The following HIVEP3 variants were observed in gnomAD, a reference collection of about 807,000 sequenced individuals.
HIVEP3 encodes the protein HIVEP zinc finger 3.
Under a neutral mutation model 152.8 loss-of-function variants are expected in HIVEP3, and 49 were observed. The ratio of observed to expected loss-of-function variants is 0.32; its 90% CI spans 0.26 to 0.41. The LOEUF (loss-of-function observed/expected upper bound fraction) is 0.41. HIVEP3 is among the 10% of genes least tolerant of loss of function. HIVEP3 has a pLI of 1.00. For synonymous variants in HIVEP3, 1,269 were observed against 1,289.0 expected (o/e 0.98, Z 0.33); for missense variants, 2,790 against 3,103.3 (o/e 0.90, Z 2.40).
At chr1:41,944,385 G>C (rs1026940518) in intron 1 of HIVEP3, among the ~76,000 whole-genome samples, 1 of 152,190 alleles carries the variant, frequency 6.6e-6, no homozygotes, top group Non-Finnish European at 1.5e-5. Context: ...TTTTAACCAA[G>C]GCTATCCTCT....
At chr1:41,823,550 C>T (rs190812391) in intron 1 of HIVEP3, among the ~76,000 whole-genome samples, 12 of 152,322 alleles carry the variant, frequency 7.9e-5, no homozygotes, top group Admixed American at 5.9e-4. Context: ...GGAAAGAAGG[C>T]GGAGTCCCTG....
At chr1:41,721,351 G>A (rs1489554994) in intron 1 of HIVEP3, among the ~76,000 whole-genome samples, 3 of 152,142 alleles carry the variant, frequency 2.0e-5, no homozygotes, top group South Asian at 4.2e-4. Flanking sequence ...GATTACAGGC[G>A]CATGCCACCG....
intron 1 of HIVEP3, among the ~76,000 whole-genome samples, chr1:41,715,797 G>T (rs191110082): frequency 8.5e-5 from 13 of 152,176 alleles, no homozygotes; most frequent in Non-Finnish European, 1.6e-4. Context: ...CAAACACCAG[G>T]CTTCATGCCT....
intron 3 of HIVEP3, among the ~76,000 whole-genome samples, chr1:41,608,164 G>A (rs1378396498): frequency 6.6e-6 from 1 of 152,210 alleles, no homozygotes; most frequent in Non-Finnish European, 1.5e-5. Flanking sequence ...GACCAGTTCA[G>A]TCTTGAATGT....
At chr1:41,631,037 C>T (rs2149150958) in intron 2 of HIVEP3, among the ~76,000 whole-genome samples, 1 of 152,332 alleles carries the variant, frequency 6.6e-6, no homozygotes, top group South Asian at 2.1e-4. Flanking sequence ...TTTTTAATAA[C>T]TGACTTGCCA....
chr1:41,923,304 C>T (rs564440362), upstream of HIVEP3, among the ~76,000 whole-genome samples: 48 of 152,268 alleles, frequency 3.2e-4, no homozygotes, highest in Non-Finnish European at 5.4e-4. Flanking sequence ...AAAATATATT[C>T]TATTTTCATA....
intron 1 of HIVEP3, among the ~76,000 whole-genome samples, chr1:41,936,529 G>A (rs995364362): frequency 2.0e-5 from 3 of 152,164 alleles, no homozygotes; most frequent in Admixed American, 6.5e-5. Context: ...ACTTAAGAAG[G>A]TGGGAAAATA....
intron 5 of HIVEP3, among the ~76,000 whole-genome samples, chr1:41,528,323 AC>A (rs566836510): frequency 1.7e-5 from 1 of 59,932 alleles, no homozygotes. Context: ...CACACTCCAC[AC>A]CCCCACACTC....
intron 1 of HIVEP3, among the ~76,000 whole-genome samples, chr1:41,989,961 CATG>C (rs1354970269): frequency 9.9e-6 from 1 of 100,944 alleles, no homozygotes; most frequent in Non-Finnish European, 2.0e-5. Flanking sequence ...TTGATCCTGT[CATG>C]ATGATGTTAG....
intron 3 of HIVEP3, among the ~76,000 whole-genome samples, chr1:41,607,435 T>C (rs750475203): frequency 4.6e-5 from 7 of 152,238 alleles, no homozygotes; most frequent in Non-Finnish European, 1.0e-4. Flanking sequence ...TTTCCTCCAA[T>C]TGTGCTATCT....
chr1:41,931,898 A>G (rs1644997632), intron 1 of HIVEP3, among the ~76,000 whole-genome samples: 1 of 151,968 alleles, frequency 6.6e-6, no homozygotes, highest in African/African-American at 2.4e-5. Flanking sequence ...TACACGTGAA[A>G]AGACATTGTT....
intron 1 of HIVEP3, among the ~76,000 whole-genome samples, chr1:41,750,801 T>C (rs1647148940): frequency 6.6e-6 from 1 of 151,792 alleles, no homozygotes; most frequent in African/African-American, 2.4e-5. Flanking sequence ...TGGATTCAAG[T>C]GATTCTCCTG....
intron 1 of HIVEP3, among the ~76,000 whole-genome samples, chr1:41,864,020 G>A (rs1030042610): frequency 3.9e-5 from 6 of 152,212 alleles, no homozygotes; most frequent in African/African-American, 1.4e-4. Context: ...GACGTGGAGA[G>A]AGGTGAAGAT....
chr1:41,579,830 T>C lies in HIVEP3; in HGVS notation c.4968A>G (p.Lys1656=). The C allele has an allele frequency of 6.2e-7, 1 of 1,614,036 alleles. No individual in the cohort carries two copies. The highest frequency in any genetic ancestry group is 1.1e-5 in the South Asian group (1 of 91,070). Reference sequence around the variant, plus strand: ...CCATGGTGTATGTCTCTTTGCTCACTTTCTGCTTAGACCTCAGGAGGGACA... The same window carrying C: ...CCATGGTGTATGTCTCTTTGCTCACCTTCTGCTTAGACCTCAGGAGGGACA... ...AALSLLRSKQ[K]VSKETYTMAT... is the part of the protein sequence containing the mutation. Residue 1656 remains lysine, a synonymous_variant, in exon 4 of 9, where the codon AAA becomes AAG. Coordinates refer to ENST00000372583, the MANE Select transcript of HIVEP3 (RefSeq NM_024503.5).
chr1:41,667,098 C>A (rs1258695167), intron 2 of HIVEP3, among the ~76,000 whole-genome samples: 3 of 152,354 alleles, frequency 2.0e-5, no homozygotes, highest in Middle Eastern at 3.4e-3. Context: ...GAGCCTCCAG[C>A]ACTTGATACA....
chr1:41,534,607 G>A (rs1391520085), intron 5 of HIVEP3, among the ~76,000 whole-genome samples: 5 of 152,314 alleles, frequency 3.3e-5, no homozygotes, highest in East Asian at 1.9e-4. Flanking sequence ...ATCCCTGCGC[G>A]GGTGAGGACC....
intron 1 of HIVEP3, among the ~76,000 whole-genome samples, chr1:41,806,715 G>A (rs1333803440): frequency 6.6e-6 from 1 of 152,216 alleles, no homozygotes; most frequent in Non-Finnish European, 1.5e-5. Context: ...GGGCAAGGAG[G>A]CCTTGGAAGG....
chr1:41,891,187 C>T (rs1406129022), intron 1 of HIVEP3, among the ~76,000 whole-genome samples: 2 of 152,104 alleles, frequency 1.3e-5, no homozygotes, highest in Non-Finnish European at 2.9e-5. Context: ...CCAGCCTTCC[C>T]CTTTCACCCT....
intron 1 of HIVEP3, among the ~76,000 whole-genome samples, chr1:41,766,644 G>C (rs1016202869): frequency 2.0e-5 from 3 of 152,214 alleles, no homozygotes; most frequent in African/African-American, 4.8e-5. Context: ...GTTTGCTCTT[G>C]TGTGCCGCTG....
Sources: gnomAD v4.1 joint callset for allele counts (sites outside exome capture counted in the v4.1 genomes callset) on GRCh38, gnomAD v4.1.1 for gene constraint, MANE v1.5 for transcripts, NCBI Gene and HGNC (gene_info 2026-07-23, HGNC 2026-07-21) for gene names.